Variants in BUB1 observed in about 807,000 individuals in gnomAD.
The protein encoded by BUB1 is mitotic checkpoint serine/threonine-protein kinase BUB1.
In BUB1, 84 loss-of-function variants were observed where a neutral mutation model predicts 135.2. The observed-to-expected ratio is 0.62, with a 90% CI of 0.52 to 0.74. BUB1 has a LOEUF of 0.74. Ranked by LOEUF, BUB1 falls within the 30% of genes least tolerant of loss-of-function variation. The pLI is 0.00. For synonymous variants in BUB1, 403 were observed against 434.4 expected, an observed-to-expected ratio of 0.93 and a Z score of 0.90; for missense variants, 1,162 against 1,288.3, an observed-to-expected ratio of 0.90 and a Z score of 1.50.
intron 10 of BUB1, 37 bp downstream of exon 10, chr2:110,661,545 C>G (rs754638499): frequency 1.2e-6 from 2 of 1,601,468 alleles, no homozygotes; most frequent in Non-Finnish European, 1.7e-6. Flanking sequence ...AGGTGCCACT[C>G]ACATCACTGT....
At chr2:110,652,059 T>TACACAC (rs559734586) in intron 17 of BUB1, among the ~76,000 whole-genome samples, 26 of 145,284 alleles carry the variant, frequency 1.8e-4, no homozygotes, top group African/African-American at 5.0e-4. Context: ...TATACATCCA[T>TACACAC]ACACACACAC....
chr2:110,663,087 T>C (rs1002198594), intron 9 of BUB1, among the ~76,000 whole-genome samples: 2 of 152,162 alleles, frequency 1.3e-5, no homozygotes, highest in Non-Finnish European at 1.5e-5. Context: ...ACGATCAGCC[T>C]GGCCAACATA....
chr2:110,649,529 A>G (rs1689728007), intron 18 of BUB1, 152 bp from the exon 19 acceptor site: 4 of 793,252 alleles, frequency 5.0e-6, no homozygotes, highest in African/African-American at 1.8e-5. Context: ...AAAAAGAACT[A>G]TTTTTAAAAG....
intron 16 of BUB1, among the ~76,000 whole-genome samples, chr2:110,654,470 A>T (rs186011033): frequency 2.0e-5 from 3 of 152,266 alleles, no homozygotes; most frequent in Admixed American, 2.0e-4. Context: ...ATTTTATCAG[A>T]TACTCCTTCA....
chr2:110,649,157 A>G, intron 19 of BUB1, 77 bp downstream of exon 19: 2 of 1,431,118 alleles, frequency 1.4e-6, no homozygotes, highest in Non-Finnish European at 1.9e-6. Flanking sequence ...TCACACACAC[A>G]CACACACACA....
At chr2:110,664,916 GTA>G (rs1248678500) in intron 9 of BUB1, among the ~76,000 whole-genome samples, 2 of 152,200 alleles carry the variant, frequency 1.3e-5, no homozygotes, top group African/African-American at 4.8e-5. Context: ...AAAAGATTTA[GTA>G]TAGTTAATGT....
Position 110,669,560 on chromosome 2 carries a change from G to A in BUB1, c.467-7C>T. 1 of 1,552,660 alleles carries A rather than the reference G, an allele frequency of 6.4e-7. No individual in the cohort carries two copies. Among genetic ancestry groups the A allele is most frequent in the Non-Finnish European group, 8.9e-7 (1 of 1,126,042 alleles). ...AGAGGTTCTGAGGTTCTAGCTATGA[G>A]GGAAAAGAGGATAAAATACGGAGAA... On this transcript the variant is annotated splice_region_variant and splice_polypyrimidine_tract_variant and intron_variant, in intron 5 of 24. Coordinates refer to ENST00000302759, the MANE Select transcript of BUB1 (RefSeq NM_004336.5).
intron 6 of BUB1, 126 bp from the exon 7 acceptor site, chr2:110,667,975 T>A: frequency 2.6e-6 from 2 of 769,282 alleles, no homozygotes; most frequent in Non-Finnish European, 4.2e-6. Context: ...TAGATTTATG[T>A]AATTTTAAAT....
intron 3 of BUB1, among the ~76,000 whole-genome samples, 158 bp downstream of exon 3, chr2:110,673,928 A>G (rs1690500584): frequency 6.6e-6 from 1 of 152,218 alleles, no homozygotes; most frequent in South Asian, 2.1e-4. Context: ...CTAGTGGCAC[A>G]GAAGTCTGTT....
chr2:110,660,713 G>C (rs1379764436), intron 10 of BUB1, among the ~76,000 whole-genome samples: 1 of 152,180 alleles, frequency 6.6e-6, no homozygotes, highest in African/African-American at 2.4e-5. Flanking sequence ...GTTGAGCCCG[G>C]CTCCAGGCAG....
At chr2:110,642,043 GA>G (rs1307858050) in intron 20 of BUB1, 75 bp downstream of exon 20, 9 of 1,202,536 alleles carry the variant, frequency 7.5e-6, no homozygotes, top group South Asian at 1.5e-5. Context: ...CTATCTTAAA[GA>G]AAAAAAATTT....
At chr2:110,642,400 T>C (rs892578066) in intron 19 of BUB1, 166 bp from the exon 20 acceptor site, 20 of 467,674 alleles carry the variant, frequency 4.3e-5, no homozygotes, top group East Asian at 2.5e-4. Flanking sequence ...AAATAATCAA[T>C]CAACCAAAGT....
intron 9 of BUB1, among the ~76,000 whole-genome samples, chr2:110,664,336 G>A (rs1445744266): frequency 6.6e-6 from 1 of 152,034 alleles, no homozygotes; most frequent in Non-Finnish European, 1.5e-5. Context: ...CACCCCTCTA[G>A]AGAAAAACAA....
intron 5 of BUB1, among the ~76,000 whole-genome samples, chr2:110,669,797 A>G (rs1690367603): frequency 6.6e-6 from 1 of 152,198 alleles, no homozygotes; most frequent in African/African-American, 2.4e-5. Flanking sequence ...ATTTTAAACA[A>G]CCAGATAGGA....
Position 110,670,584 on chromosome 2 carries a change from A to G in BUB1, c.423-16T>C. 9 of 1,613,370 alleles carry G rather than the reference A, an allele frequency of 5.6e-6. No individual in the cohort carries two copies. Among genetic ancestry groups the G allele is most frequent in the Non-Finnish European group, 7.6e-6 (9 of 1,179,270 alleles). ...CTGAAATAACCTAAATGACAGCAGA[A>G]AAGGCATCAATGTAGATTATAAACT... On this transcript the variant is annotated splice_polypyrimidine_tract_variant and intron_variant, in intron 4 of 24. Transcript: ENST00000302759.
intron 18 of BUB1, 139 bp from the exon 19 acceptor site, chr2:110,649,516 A>C: frequency 1.2e-6 from 1 of 823,986 alleles, no homozygotes; most frequent in East Asian, 2.9e-5. Context: ...TTAATTCAAA[A>C]TAAAAAAGAA....
chr2:110,678,063 T>C lies in BUB1; in HGVS notation c.-68A>G. 6.5e-7 allele frequency: 1 copy of C among 1,538,846 alleles called. No individual in the cohort carries two copies. The highest frequency in any genetic ancestry group is 1.2e-5 in the South Asian group (1 of 83,282). ...AACTAGAAGCCGCCGCCGATTCGAA[T>C]ACCCCGCGCAGCCGCAGTCGGCTCG... On this transcript the variant is annotated 5_prime_UTR_variant, in exon 1 of 25. Transcript: ENST00000302759.
intron 17 of BUB1, among the ~76,000 whole-genome samples, chr2:110,652,872 G>C (rs1689821847): frequency 6.6e-6 from 1 of 152,168 alleles, no homozygotes; most frequent in African/African-American, 2.4e-5. Flanking sequence ...AGATAATAGA[G>C]AATTCCTGTA....
At chr2:110,675,697 G>A (rs1019923726) in intron 1 of BUB1, among the ~76,000 whole-genome samples, 5 of 151,570 alleles carry the variant, frequency 3.3e-5, no homozygotes, top group African/African-American at 1.2e-4. Flanking sequence ...TGTTGCCCAC[G>A]CTGGAGTGCA....
Sources: allele counts gnomAD v4.1 joint callset (sites outside exome capture counted in the v4.1 genomes callset), GRCh38; gene constraint gnomAD v4.1.1; transcripts MANE v1.5; gene names NCBI Gene and HGNC (gene_info 2026-07-23, HGNC 2026-07-21).